The following SPATA16 variants were observed in gnomAD, a reference collection of about 807,000 sequenced individuals.
SPATA16 encodes the protein spermatogenesis-associated protein 16.
SPATA16 carries 36 observed loss-of-function variants against 63.3 expected under a neutral mutation model. The observed-to-expected ratio is 0.57, with a 90% CI of 0.44 to 0.75. The LOEUF is 0.75. Ranked by LOEUF, SPATA16 falls within the 30% of genes least tolerant of loss-of-function variation. The pLI, the probability that SPATA16 is intolerant of heterozygous loss-of-function variation, is 0.00. For missense variants in SPATA16, 646 were observed against 679.3 expected, an observed-to-expected ratio of 0.95 and a Z score of 0.54; for synonymous variants, 203 against 216.7, an observed-to-expected ratio of 0.94 and a Z score of 0.56.
intron 2 of SPATA16, among the ~76,000 whole-genome samples, chr3:173,076,167 A>G (rs1736796783): frequency 6.6e-6 from 1 of 151,870 alleles, no homozygotes; most frequent in African/African-American, 2.4e-5. Flanking sequence ...ATTTCTATTT[A>G]TATGTTACCC....
At chr3:173,005,867 G>A (rs1327414642) in intron 4 of SPATA16, among the ~76,000 whole-genome samples, 1 of 151,998 alleles carries the variant, frequency 6.6e-6, no homozygotes. Flanking sequence ...TTTTCATAAG[G>A]TCACCTGCTT....
At chr3:172,992,857 A>AAG (rs1449590593) in intron 4 of SPATA16, among the ~76,000 whole-genome samples, 6 of 152,170 alleles carry the variant, frequency 3.9e-5, no homozygotes, top group African/African-American at 1.4e-4. Context: ...GGAATAAGTG[A>AAG]AGATTTAGGA....
At chr3:172,958,133 A>G (rs951750206) in intron 5 of SPATA16, among the ~76,000 whole-genome samples, 2 of 152,202 alleles carry the variant, frequency 1.3e-5, no homozygotes, top group Non-Finnish European at 2.9e-5. Flanking sequence ...GGAACAGAAA[A>G]TACATAGCGG....
intron 8 of SPATA16, among the ~76,000 whole-genome samples, 179 bp downstream of exon 8, chr3:172,924,028 GT>G (rs200408075): frequency 0.019 from 2,921 of 152,264 alleles, 30 homozygotes; most frequent in Middle Eastern, 0.058. Context: ...ATTATAGTAT[GT>G]TTTAGAATAA....
intron 2 of SPATA16, among the ~76,000 whole-genome samples, chr3:173,077,080 T>C (rs575618336): frequency 1.3e-5 from 2 of 152,292 alleles, no homozygotes; most frequent in East Asian, 1.9e-4. Flanking sequence ...GTCTCCCATA[T>C]TGTGGGTAAT....
chr3:172,943,922 A>G (rs1733221008), intron 6 of SPATA16, among the ~76,000 whole-genome samples: 1 of 152,204 alleles, frequency 6.6e-6, no homozygotes, highest in African/African-American at 2.4e-5. Flanking sequence ...AATTGTAAGA[A>G]TATAGAAATA....
At chr3:173,114,891 A>T (rs1276685168) in intron 2 of SPATA16, among the ~76,000 whole-genome samples, 1 of 152,248 alleles carries the variant, frequency 6.6e-6, no homozygotes, top group Non-Finnish European at 1.5e-5. Flanking sequence ...TTCTATTCCC[A>T]GTAGCTTTGT....
chr3:173,031,658 G>C (rs1010817063), intron 3 of SPATA16, among the ~76,000 whole-genome samples: 2 of 151,934 alleles, frequency 1.3e-5, no homozygotes, highest in Non-Finnish European at 2.9e-5. Context: ...AATGAGAATA[G>C]AAAGAAAACT....
intron 4 of SPATA16, among the ~76,000 whole-genome samples, chr3:173,005,002 G>A (rs973887433): frequency 6.6e-6 from 1 of 152,160 alleles, no homozygotes; most frequent in Admixed American, 6.5e-5. Flanking sequence ...ATGCTTAATT[G>A]GTTCTCTACA....
At chr3:173,038,768 T>A (rs1198064052) in intron 3 of SPATA16, among the ~76,000 whole-genome samples, 8 of 152,162 alleles carry the variant, frequency 5.3e-5, no homozygotes, top group African/African-American at 1.9e-4. Context: ...TTCAGGCTGG[T>A]CACTTGAGGT....
rs989481928 is a variant in SPATA16, at chr3:172,983,841, C to T, written c.849-6789G>A. On this transcript the variant is annotated intron_variant, in intron 4 of 10. Transcript: ENST00000351008. ...CCAGTCACAATGTTCTTTCCAAAAA[C>T]GTAAAGGAAAATTATCTCAAAACCC... Among the ~76,000 whole-genome samples, 6 of 152,114 alleles carry T rather than the reference C, an allele frequency of 3.9e-5. No homozygotes were observed. The East Asian group carries it at 7.7e-4, about 20-fold the overall frequency.
chr3:173,139,712 G>A (rs766404970), intron 1 of SPATA16, among the ~76,000 whole-genome samples: 40 of 152,208 alleles, frequency 2.6e-4, no homozygotes, highest in Non-Finnish European at 4.6e-4. Flanking sequence ...ATAGCCGGGC[G>A]TAGTGGCTCA....
At chr3:173,082,837 G>A (rs1048528753) in intron 2 of SPATA16, among the ~76,000 whole-genome samples, 20 of 152,214 alleles carry the variant, frequency 1.3e-4, no homozygotes, top group African/African-American at 4.6e-4. Flanking sequence ...CTAGTGCCTC[G>A]GACTGTCCAA....
chr3:173,052,265 T>G (rs1283806606), intron 2 of SPATA16, among the ~76,000 whole-genome samples: 2 of 152,098 alleles, frequency 1.3e-5, no homozygotes, highest in Non-Finnish European at 2.9e-5. Context: ...GAGTCTCTGC[T>G]TGTATAAGAT....
In SPATA16 at chr3:172,949,231, C is replaced by CAATAAATA. The variant is rs148318425; in HGVS notation, c.1081+7438_1081+7445dup. On this transcript the variant is annotated intron_variant, in intron 6 of 10. Transcript: ENST00000351008. ...TTTTTAAAAATAAAACTACTAAAAG[C>CAATAAATA]AATAAATAAATAAATAAATGGGCTG... Among the ~76,000 whole-genome samples the CAATAAATA allele has an allele frequency of 5.9e-3, 901 of 151,648 alleles. 9 individuals carry two copies. The highest frequency in any genetic ancestry group is 0.021 in the African/African-American group (874 of 41,206).
chr3:173,043,997 C>T (rs1335371602), intron 3 of SPATA16, among the ~76,000 whole-genome samples: 1 of 151,958 alleles, frequency 6.6e-6, no homozygotes, highest in Non-Finnish European at 1.5e-5. Context: ...CTGTGTAATG[C>T]GTTGTTTTTC....
rs188896465 is a variant in SPATA16, at chr3:172,931,467, T to C, written c.1082-5975A>G. ...CTTGCTATGTTGCTCAAAGTGGTCT[T>C]GAGCTCCTGGCCTCAAGCGATGCCC... On this transcript the variant is annotated intron_variant, in intron 6 of 10. Coordinates refer to ENST00000351008, the MANE Select transcript of SPATA16 (RefSeq NM_031955.6). 7.2e-5 allele frequency among the ~76,000 whole-genome samples: 11 copies of C among 152,132 alleles called. No homozygotes were observed. The East Asian group carries it at 2.1e-3, about 30-fold the overall frequency.
chr3:173,126,251 C>T (rs1173383454), intron 1 of SPATA16, among the ~76,000 whole-genome samples: 1 of 152,138 alleles, frequency 6.6e-6, no homozygotes, highest in Non-Finnish European at 1.5e-5. Flanking sequence ...ACTTGCTATC[C>T]TTATAAGTGT....
chr3:172,933,926 T>TA (rs1732924228), intron 6 of SPATA16, among the ~76,000 whole-genome samples: 1 of 152,174 alleles, frequency 6.6e-6, no homozygotes, highest in East Asian at 1.9e-4. Flanking sequence ...ACGTTTTTCT[T>TA]ATTTAAGAAA....
Sources: allele counts gnomAD v4.1 joint callset (sites outside exome capture counted in the v4.1 genomes callset), GRCh38; gene constraint gnomAD v4.1.1; transcripts MANE v1.5; gene names NCBI Gene and HGNC (gene_info 2026-07-23, HGNC 2026-07-21).